DCLK1: variants seen among roughly 807,000 people sequenced by gnomAD.
DCLK1 encodes the protein serine/threonine-protein kinase DCLK1.
A neutral mutation model predicts 86.2 loss-of-function variants in DCLK1; 16 were observed. The observed-to-expected ratio is 0.19, with a 90% CI of 0.13 to 0.28. The LOEUF is 0.28. DCLK1 is among the 10% of genes least tolerant of loss of function. The pLI, the probability that DCLK1 is intolerant of heterozygous loss-of-function variation, is 1.00. For missense variants in DCLK1, 590 were observed against 940.2 expected, an observed-to-expected ratio of 0.63 and a Z score of 4.87; for synonymous variants, 369 against 370.5, an observed-to-expected ratio of 1.00 and a Z score of 0.05.
intron 2 of DCLK1, among the ~76,000 whole-genome samples, chr13:36,117,446 A>G (rs1885828160): frequency 6.6e-6 from 1 of 152,216 alleles, no homozygotes; most frequent in Non-Finnish European, 1.5e-5. Flanking sequence ...TTGAGGTTGC[A>G]GCAACAAAAT....
intron 4 of DCLK1, among the ~76,000 whole-genome samples, chr13:35,877,360 A>G (rs1333926943): frequency 6.6e-6 from 1 of 152,214 alleles, no homozygotes; most frequent in Non-Finnish European, 1.5e-5. Context: ...GAAGTGTTAT[A>G]GAAGGTGCTG....
rs1202816350 is a variant in DCLK1 at position 35,772,657 on chromosome 13, G to A, written c.*1878C>T. On this transcript the variant is annotated 3_prime_UTR_variant, in exon 17 of 17. Coordinates refer to ENST00000360631, the MANE Select transcript of DCLK1 (RefSeq NM_001330071.2). ...GTGATTTTGCGTGTTATCACTTCCG[G>A]ATGCTCTAAAAGGGGGGGAAAAAAA... 1 of 146,404 alleles carries A rather than the reference G, an allele frequency of 6.8e-6. No individual in the cohort carries two copies. Among genetic ancestry groups the A allele is most frequent in the African/African-American group, 2.6e-5 (1 of 38,594 alleles). The allele number at this position is 146,404 out of a possible 1,614,324, so 9.1% of individuals were successfully genotyped here. A position where few individuals can be genotyped will look rare whatever the true frequency, so the allele number is the denominator to read the frequency against.
chr13:35,932,542 C>A (rs957666762), intron 4 of DCLK1, among the ~76,000 whole-genome samples: 11 of 152,118 alleles, frequency 7.2e-5, no homozygotes, highest in Admixed American at 6.5e-4. Context: ...GGAAGCCTCA[C>A]AATCATGGCA....
intron 2 of DCLK1, among the ~76,000 whole-genome samples, chr13:36,116,961 T>C (rs1357542776): frequency 6.6e-6 from 1 of 152,236 alleles, no homozygotes; most frequent in Non-Finnish European, 1.5e-5. Flanking sequence ...TGGAAGTCAC[T>C]GGCTTAGGAT....
At position 35,963,038 on chromosome 13, in the gene DCLK1, C is replaced by T. The variant is rs560363565; in HGVS notation, c.724-15581G>A. 2.0e-5 allele frequency among the ~76,000 whole-genome samples: 3 copies of T among 152,284 alleles called. No individual in the cohort carries two copies. In the South Asian group the frequency reaches 6.2e-4, roughly 32 times the overall value. ...ATAGAAACAAGGAATCACGACAATG[C>T]CCCAAGAACAAGTGAATCATGGGCA... On this transcript the variant is annotated intron_variant, in intron 3 of 16. Coordinates refer to ENST00000360631, the MANE Select transcript of DCLK1 (RefSeq NM_001330071.2).
chr13:35,798,589 T>C (rs1174828531), intron 15 of DCLK1, among the ~76,000 whole-genome samples: 1 of 152,230 alleles, frequency 6.6e-6, no homozygotes, highest in African/African-American at 2.4e-5. Context: ...CTCTTCAGCA[T>C]GGCCCTATGA....
chr13:35,989,711 C>CTTTTT lies in DCLK1; in HGVS notation c.724-42259_724-42255dup, dbSNP rs567228278. On this transcript the variant is annotated intron_variant, in intron 3 of 16. Transcript: ENST00000360631. ...TGCACCATCATGCCTGGCTAATTGG[C>CTTTTT]TTTTTTTTTTTTTTTTCCTTTAAGA... Among the ~76,000 whole-genome samples, 4 of 134,206 alleles carry CTTTTT rather than the reference C, an allele frequency of 3.0e-5. No individual in the cohort carries two copies. The East Asian group carries it at 6.4e-4, about 22-fold the overall frequency. The allele number at this position is 134,206 out of a possible 152,430, so 88.0% of individuals were successfully genotyped here.
At chr13:35,807,962 A>G (rs567665510) in intron 14 of DCLK1, among the ~76,000 whole-genome samples, 2 of 152,360 alleles carry the variant, frequency 1.3e-5, no homozygotes, top group South Asian at 4.1e-4. Flanking sequence ...GGGGCACAGC[A>G]AGAGGCTATA....
chr13:35,932,122 G>A lies in DCLK1; in HGVS notation c.823+15236C>T, dbSNP rs375539169. Among the ~76,000 whole-genome samples, 6 of 152,262 alleles carry A rather than the reference G, an allele frequency of 3.9e-5. No individual in the cohort carries two copies. In the South Asian group the frequency reaches 1.0e-3, roughly 26 times the overall value. ...CATAAGGTAGACTACCCTCTCCAAC[G>A]TAGGTAGGCCTCATCCAATCCACGA... On this transcript the variant is annotated intron_variant, in intron 4 of 16. Coordinates refer to ENST00000360631, the MANE Select transcript of DCLK1 (RefSeq NM_001330071.2).
At chr13:36,022,852 TAAACTC>T (rs547921068) in intron 3 of DCLK1, among the ~76,000 whole-genome samples, 129 of 152,302 alleles carry the variant, frequency 8.5e-4, no homozygotes, top group African/African-American at 2.8e-3. Flanking sequence ...CAATTCTTTA[TAAACTC>T]TTCCAAAAAA....
At chr13:35,914,163 AC>A (rs1875223763) in intron 4 of DCLK1, among the ~76,000 whole-genome samples, 1 of 151,568 alleles carries the variant, frequency 6.6e-6, no homozygotes, top group Non-Finnish European at 1.5e-5. Flanking sequence ...TACAAAAAAT[AC>A]AAATATTAGC....
Position 35,901,491 on chromosome 13 carries a change from CAAAAAAAAA to C in DCLK1, c.824-30160_824-30152del, listed in dbSNP as rs58801666. ...GGTGACAGAGTGAGAGACTCTGTCTCAAAAAAAAAAAAAAAAAAAAAAAAAAGACAGACT... is the reference window on the plus strand; with the variant it reads ...GGTGACAGAGTGAGAGACTCTGTCTCAAAAAAAAAAAAAAAAAGACAGACT... On this transcript the variant is annotated intron_variant, in intron 4 of 16. Coordinates refer to ENST00000360631, the MANE Select transcript of DCLK1 (RefSeq NM_001330071.2). 1.1e-4 allele frequency among the ~76,000 whole-genome samples: 5 copies of C among 45,872 alleles called. No homozygotes were observed. In the East Asian group the frequency reaches 3.2e-3, roughly 29 times the overall value. 30.1% of individuals were successfully genotyped at this position (45,872 alleles called of 152,430 possible).
chr13:35,967,266 G>C (rs1219764827), intron 3 of DCLK1, among the ~76,000 whole-genome samples: 10 of 148,004 alleles, frequency 6.8e-5, no homozygotes, highest in East Asian at 2.0e-4. Context: ...GCCTCTGCCC[G>C]GCCGCCCCGT....
chr13:35,989,447 T>C (rs1473345116), intron 3 of DCLK1, among the ~76,000 whole-genome samples: 1 of 152,076 alleles, frequency 6.6e-6, no homozygotes, highest in African/African-American at 2.4e-5. Context: ...AATTTTTGTA[T>C]TTTTAGTAGA....
chr13:36,052,136 G>A (rs778697549), intron 3 of DCLK1, among the ~76,000 whole-genome samples: 1 of 152,004 alleles, frequency 6.6e-6, no homozygotes, highest in Non-Finnish European at 1.5e-5. Flanking sequence ...CTTTTTACTT[G>A]AGAAACTCAA....
chr13:36,127,448 T>G (rs1886226073), intron 1 of DCLK1, among the ~76,000 whole-genome samples: 3 of 152,198 alleles, frequency 2.0e-5, no homozygotes, highest in Non-Finnish European at 4.4e-5. Flanking sequence ...CTTGACCCCA[T>G]GCTAGCTGTG....
At chr13:35,828,854 T>C (rs1868705991) in intron 8 of DCLK1, among the ~76,000 whole-genome samples, 1 of 152,076 alleles carries the variant, frequency 6.6e-6, no homozygotes, top group South Asian at 2.1e-4. Flanking sequence ...CTATGACAGT[T>C]TTCTGAATGT....
At chr13:35,870,711 C>G (rs1872212733) in intron 5 of DCLK1, among the ~76,000 whole-genome samples, 1 of 152,178 alleles carries the variant, frequency 6.6e-6, no homozygotes, top group South Asian at 2.1e-4. Flanking sequence ...CTCTCCAACA[C>G]CAGCACTAGA....
chr13:35,806,325 T>C (rs975581827), intron 14 of DCLK1, among the ~76,000 whole-genome samples: 7 of 152,196 alleles, frequency 4.6e-5, no homozygotes, highest in African/African-American at 7.2e-5. Flanking sequence ...TAAAGAATTC[T>C]AAAGAAACAT....
Sources: gnomAD v4.1 joint callset for allele counts (sites outside exome capture counted in the v4.1 genomes callset) on GRCh38, gnomAD v4.1.1 for gene constraint, MANE v1.5 for transcripts, NCBI Gene and HGNC (gene_info 2026-07-23, HGNC 2026-07-21) for gene names.